The following SDK1 variants were observed in gnomAD, a reference collection of about 807,000 sequenced individuals.
The protein encoded by SDK1 is sidekick cell adhesion molecule 1, also known as protein sidekick-1.
In SDK1, 157 loss-of-function variants were observed where a neutral mutation model predicts 245.5. That is an observed-to-expected ratio of 0.64 (90% confidence interval 0.56 to 0.73). The LOEUF (loss-of-function observed/expected upper bound fraction) is 0.73. SDK1 is among the 30% of genes least tolerant of loss of function. SDK1 has a pLI of 0.00. For synonymous variants in SDK1, 1,647 were observed against 1,278.5 expected (o/e 1.29, Z -6.15); for missense variants, 3,583 against 3,002.3 (o/e 1.19, Z -4.52).
intron 1 of SDK1, among the ~76,000 whole-genome samples, chr7:3,598,167 T>A (rs530351334): frequency 6.6e-6 from 1 of 152,344 alleles, no homozygotes; most frequent in East Asian, 1.9e-4. Flanking sequence ...CAGCTTCCCA[T>A]GTGCTCGTGG....
At chr7:3,604,522 GTATTTTCATTGTTTTGTA>G (rs1418016578) in intron 1 of SDK1, among the ~76,000 whole-genome samples, 4 of 150,040 alleles carry the variant, frequency 2.7e-5, no homozygotes, top group African/African-American at 4.9e-5. Flanking sequence ...TTGATATGCT[GTATTTTCATTGTTTTGTA>G]TATTTTCATT....
chr7:3,900,565 A>C (rs1781752704), intron 5 of SDK1, among the ~76,000 whole-genome samples: 1 of 152,256 alleles, frequency 6.6e-6, no homozygotes, highest in East Asian at 1.9e-4. Context: ...TTCCCACTGG[A>C]AGGCTGGAAA....
chr7:3,616,043 C>T (rs998666554), intron 1 of SDK1, among the ~76,000 whole-genome samples: 4 of 152,108 alleles, frequency 2.6e-5, no homozygotes, highest in East Asian at 1.9e-4. Flanking sequence ...TATCACCACA[C>T]TGGCTAATTT....
rs35116493 is a variant in SDK1, at chr7:3,852,750, CAAAAAAAAAA to C, written c.847+31184_847+31193del. ...TGGGAGACAGAGCAAGACTCCGTCT[CAAAAAAAAAA>C]AAAAAAAAAAAAAAAATTTTTTTCC... On this transcript the variant is annotated intron_variant, in intron 5 of 44. Transcript: ENST00000404826. Among the ~76,000 whole-genome samples the C allele has an allele frequency of 2.8e-4, 8 of 28,154 alleles. No individual in the cohort carries two copies. In the East Asian group the frequency reaches 8.2e-3, roughly 29 times the overall value. 18.5% of individuals were successfully genotyped at this position (28,154 alleles called of 152,430 possible).
intron 5 of SDK1, among the ~76,000 whole-genome samples, chr7:3,943,599 C>CCGCT (rs1178088991): frequency 6.6e-6 from 1 of 151,160 alleles, no homozygotes; most frequent in African/African-American, 2.4e-5. Flanking sequence ...GCTCATTCGA[C>CCGCT]CGCTCCCCAA....
chr7:4,168,403 C>T (rs1017005390), intron 32 of SDK1, among the ~76,000 whole-genome samples: 1 of 152,246 alleles, frequency 6.6e-6, no homozygotes, highest in Non-Finnish European at 1.5e-5. Flanking sequence ...TAAATCATCT[C>T]ATTCGCCTAG....
chr7:4,121,274 G>C (rs1024656617), intron 25 of SDK1, among the ~76,000 whole-genome samples: 3 of 152,002 alleles, frequency 2.0e-5, no homozygotes, highest in Non-Finnish European at 2.9e-5. Flanking sequence ...TAGCATGTAT[G>C]GTGATACGGT....
chr7:4,132,227 G>A (rs945002468), intron 27 of SDK1, 98 bp from the exon 28 acceptor site: 35 of 928,198 alleles, frequency 3.8e-5, no homozygotes, highest in Non-Finnish European at 5.4e-5. Flanking sequence ...GCCTGTGGTA[G>A]TTACTGCAGC....
chr7:3,782,091 A>C (rs1323641094), intron 4 of SDK1, among the ~76,000 whole-genome samples: 1 of 152,230 alleles, frequency 6.6e-6, no homozygotes, highest in East Asian at 1.9e-4. Context: ...GGAATACCCA[A>C]GACTGGGTAA....
At chr7:3,794,607 A>G (rs1191458757) in intron 4 of SDK1, among the ~76,000 whole-genome samples, 2 of 151,858 alleles carry the variant, frequency 1.3e-5, no homozygotes, top group Non-Finnish European at 2.9e-5. Flanking sequence ...CGCACCCTCA[A>G]CCCCCTTGCC....
intron 14 of SDK1, among the ~76,000 whole-genome samples, chr7:4,003,624 T>TCATCA (rs908262235): frequency 4.6e-5 from 7 of 152,212 alleles, no homozygotes; most frequent in South Asian, 2.1e-4. Flanking sequence ...AGCGCCATTC[T>TCATCA]CATCACATCA....
chr7:3,496,945 A>G (rs76056377), intron 1 of SDK1, among the ~76,000 whole-genome samples: 3,365 of 152,284 alleles, frequency 0.022, 137 homozygotes, highest in African/African-American at 0.076. Flanking sequence ...GAAGCAGCCA[A>G]TCCAAATCCC....
chr7:3,676,322 CT>C (rs3086109), intron 4 of SDK1, among the ~76,000 whole-genome samples: 2,107 of 133,272 alleles, frequency 0.016, 18 homozygotes, highest in Non-Finnish European at 0.02. Flanking sequence ...TCTTCTAGTA[CT>C]TTTTTTTTTT....
intron 4 of SDK1, among the ~76,000 whole-genome samples, chr7:3,793,607 A>G (rs1778875638): frequency 6.6e-6 from 1 of 152,222 alleles, no homozygotes; most frequent in African/African-American, 2.4e-5. Context: ...GTTGTCAGCA[A>G]CTAAGCAATC....
intron 2 of SDK1, 51 bp from the exon 3 acceptor site, chr7:3,638,953 A>G (rs1367234472): frequency 4.5e-6 from 5 of 1,113,068 alleles, no homozygotes; most frequent in South Asian, 4.4e-5. Flanking sequence ...GTTAGATATA[A>G]CCATGAAACA....
chr7:4,189,870 A>G (rs1414181199), intron 35 of SDK1, among the ~76,000 whole-genome samples: 1 of 152,242 alleles, frequency 6.6e-6, no homozygotes, highest in East Asian at 1.9e-4. Context: ...TGTGGAAGAC[A>G]GAAAAGTGTC....
chr7:3,549,260 A>T (rs901515845), intron 1 of SDK1, among the ~76,000 whole-genome samples: 3 of 152,198 alleles, frequency 2.0e-5, no homozygotes, highest in Non-Finnish European at 4.4e-5. Flanking sequence ...TCTTCCTGTG[A>T]GGATGCGTTG....
chr7:3,768,903 G>T (rs1253520290), intron 4 of SDK1, among the ~76,000 whole-genome samples: 1 of 152,116 alleles, frequency 6.6e-6, no homozygotes, highest in Non-Finnish European at 1.5e-5. Flanking sequence ...TAGGAACACA[G>T]AACAAAATGA....
intron 1 of SDK1, among the ~76,000 whole-genome samples, chr7:3,601,917 A>G (rs1421837818): frequency 6.7e-6 from 1 of 148,756 alleles, no homozygotes; most frequent in East Asian, 2.0e-4. Flanking sequence ...TATGAATGAG[A>G]ACATGGGGTG....
Sources: allele counts gnomAD v4.1 joint callset (sites outside exome capture counted in the v4.1 genomes callset), GRCh38; gene constraint gnomAD v4.1.1; transcripts MANE v1.5; gene names NCBI Gene and HGNC (gene_info 2026-07-23, HGNC 2026-07-21).